Variants in OPN3 observed in about 807,000 individuals in gnomAD.
OPN3 encodes the protein opsin-3.
In OPN3, 29 loss-of-function variants were observed where a neutral mutation model predicts 33.8. The observed-to-expected ratio is 0.86, with a 90% confidence interval of 0.64 to 1.17. The LOEUF (loss-of-function observed/expected upper bound fraction) is 1.17. OPN3 is among the 50% of genes most tolerant of loss of function. OPN3 has a pLI of 0.00. For synonymous variants in OPN3, 216 were observed against 216.1 expected, an observed-to-expected ratio of 1.00 and a Z score of 0.00; for missense variants, 437 against 514.1, an observed-to-expected ratio of 0.85 and a Z score of 1.45.
intron 1 of OPN3, chr1:241,629,387 A>G (rs1329574496): frequency 1.3e-5 from 2 of 152,176 alleles, no homozygotes; most frequent in Non-Finnish European, 2.9e-5. Flanking sequence ...ATACAATAGC[A>G]TGAACTAAGT....
chr1:241,617,824 A>T (rs116504605), intron 1 of OPN3, among the ~76,000 whole-genome samples: 1 of 152,326 alleles, frequency 6.6e-6, no homozygotes, highest in African/African-American at 2.4e-5. Flanking sequence ...TAGCCTGTGC[A>T]GTTCTATGTT....
chr1:241,594,523 T>C lies in OPN3; in HGVS notation c.1114A>G (p.Ile372Val). Residue 372 changes from isoleucine (I) to valine (V), a missense_variant, in exon 4 of 4, where the codon ATT (isoleucine) becomes GTT (valine). By Grantham distance (29) the Ile-to-Val change is conservative. Transcript: ENST00000366554. ...KKVTFNSSSI[I>V]FIITSDESLS... ...GATTCATCACTGGTGATGATAAAAATGATGGAAGAAGAGTTGAAAGTCACT... is the reference window on the plus strand; with the variant it reads ...GATTCATCACTGGTGATGATAAAAACGATGGAAGAAGAGTTGAAAGTCACT... The C allele has an allele frequency of 1.2e-6, 2 of 1,614,102 alleles. No homozygotes were observed. Among genetic ancestry groups the C allele is most frequent in the Non-Finnish European group, 1.7e-6 (2 of 1,179,982 alleles).
intron 1 of OPN3, chr1:241,634,981 G>T (rs768091962): frequency 6.2e-7 from 1 of 1,613,564 alleles, no homozygotes; most frequent in South Asian, 1.1e-5. Context: ...GAATCCTAGT[G>T]ACATTTTTAA....
chr1:241,596,207 T>C (rs190609295), intron 3 of OPN3, among the ~76,000 whole-genome samples: 2 of 152,392 alleles, frequency 1.3e-5, no homozygotes, highest in African/African-American at 4.8e-5. Context: ...TAATGTATTT[T>C]AATTTTGTCT....
chr1:241,626,700 T>A (rs1046875028), intron 1 of OPN3, among the ~76,000 whole-genome samples: 1 of 152,202 alleles, frequency 6.6e-6, no homozygotes, highest in African/African-American at 2.4e-5. Context: ...CTTACAAATA[T>A]AGTAAAATTA....
At position 241,594,085 on chromosome 1, in the gene OPN3, G is replaced by C. The variant is rs566302897; in HGVS notation, c.*343C>G. The C allele has an allele frequency of 8.0e-6, 2 of 249,222 alleles. No homozygotes were observed. Among genetic ancestry groups the C allele is most frequent in the East Asian group, 1.9e-4 (2 of 10,298 alleles). 15.4% of individuals were successfully genotyped at this position (249,222 alleles called of 1,614,324 possible). A position where few individuals can be genotyped will look rare whatever the true frequency, so the allele number is the denominator to read the frequency against. ...TACGCGACAGTTATTTTTACAGTAAGGTATTTTCGAGAAAAATGCATTACG... is the reference window on the plus strand; with the variant it reads ...TACGCGACAGTTATTTTTACAGTAACGTATTTTCGAGAAAAATGCATTACG... On this transcript the variant is annotated 3_prime_UTR_variant, in exon 4 of 4. Transcript: ENST00000366554.
Position 241,594,660 on chromosome 1 carries a change from A to C in OPN3, c.977T>G (p.Leu326Arg), listed in dbSNP as rs1404609200. 4 of 1,613,896 alleles carry C rather than the reference A, an allele frequency of 2.5e-6. No homozygotes were observed. Among genetic ancestry groups the C allele is most frequent in the South Asian group, 2.2e-5 (2 of 91,076 alleles). Reference sequence around the variant, plus strand: ...AGGCCTCTGGCACCTCAGCAGTCGGAGGCACAGAAGCTGCAAAAGGGATCT... The same window carrying C: ...AGGCCTCTGGCACCTCAGCAGTCGGCGGCACAGAAGCTGCAAAAGGGATCT... ...FRRSLLQLLC[L>R]RLLRCQRPAK... Residue 326 changes from leucine (L) to arginine (R), a missense_variant, in exon 4 of 4, where the codon CTC becomes CGC. Transcript: ENST00000366554.
At chr1:241,614,580 T>C (rs1414309805) in intron 1 of OPN3, among the ~76,000 whole-genome samples, 1 of 152,252 alleles carries the variant, frequency 6.6e-6, no homozygotes, top group East Asian at 1.9e-4. Context: ...GTGCAGTAGC[T>C]TGGAAATCGT....
In OPN3 at chr1:241,595,124, T is replaced by C. The variant is rs74150330; in HGVS notation, c.946-433A>G. 1,069 of 155,342 alleles carry C rather than the reference T, an allele frequency of 6.9e-3. 3 individuals are homozygous for C. Among genetic ancestry groups the C allele is most frequent in the African/African-American group, 0.016 (669 of 41,628 alleles). 9.6% of individuals were successfully genotyped at this position (155,342 alleles called of 1,614,324 possible). On this transcript the variant is annotated intron_variant, in intron 3 of 3. Transcript: ENST00000366554. ...TGGCAGAGTTTACAGCCTGGTGTACTTGCTAATGTCTCTTTAATTAGGTGA... is the reference window on the plus strand; with the variant it reads ...TGGCAGAGTTTACAGCCTGGTGTACCTGCTAATGTCTCTTTAATTAGGTGA...
chr1:241,628,266 A>G (rs1359676823), intron 1 of OPN3, among the ~76,000 whole-genome samples: 1 of 152,156 alleles, frequency 6.6e-6, no homozygotes, highest in Non-Finnish European at 1.5e-5. Flanking sequence ...ATTAAGGTAA[A>G]AGGTACCTTA....
intron 1 of OPN3, among the ~76,000 whole-genome samples, chr1:241,610,981 A>G (rs1663975591): frequency 6.6e-6 from 1 of 152,128 alleles, no homozygotes; most frequent in Non-Finnish European, 1.5e-5. Flanking sequence ...TAAAGTGGTA[A>G]TGCGTAAGGT....
chr1:241,594,138 A>T lies in OPN3; in HGVS notation c.*290T>A. The T allele has an allele frequency of 9.2e-6, 3 of 325,764 alleles. No homozygotes were observed. Among genetic ancestry groups the T allele is most frequent in the Non-Finnish European group, 1.7e-5 (3 of 179,854 alleles). The allele number at this position is 325,764 out of a possible 1,614,324, so 20.2% of individuals were successfully genotyped here. On this transcript the variant is annotated 3_prime_UTR_variant, in exon 4 of 4. Coordinates refer to ENST00000366554, the MANE Select transcript of OPN3 (RefSeq NM_014322.3). ...TTTTGGAAAATAGAGTAATTTAAAA[A>T]ATATATTTGAAATGAAAATCTCCAA...
At chr1:241,624,550 A>G (rs1664360494) in intron 1 of OPN3, among the ~76,000 whole-genome samples, 1 of 152,234 alleles carries the variant, frequency 6.6e-6, no homozygotes, top group Non-Finnish European at 1.5e-5. Context: ...ATGGTGGTTA[A>G]TTGTGCATCA....
At chr1:241,633,145 G>A (rs1664712033) in intron 1 of OPN3, 1 of 152,112 alleles carries the variant, frequency 6.6e-6, no homozygotes, top group East Asian at 1.9e-4. Context: ...TTAGAATACT[G>A]TGGTGGCATC....
rs1468324686 is a variant in OPN3, at chr1:241,638,088, G to GC, written c.373+1793dup. 2.4e-4 allele frequency among the ~76,000 whole-genome samples: 36 copies of GC among 152,204 alleles called. No homozygotes were observed. In the South Asian group the frequency reaches 5.8e-3, roughly 25 times the overall value. On this transcript the variant is annotated intron_variant, in intron 1 of 3. Coordinates refer to ENST00000366554, the MANE Select transcript of OPN3 (RefSeq NM_014322.3). ...TCTATAGTAACTTCACTACTAACTTGCCCCCCAGGGCTTAAGTCTCGGAAT... is the reference window on the plus strand; with the variant it reads ...TCTATAGTAACTTCACTACTAACTTGCCCCCCCAGGGCTTAAGTCTCGGAAT...
intron 2 of OPN3, among the ~76,000 whole-genome samples, chr1:241,598,663 G>C (rs1419257460): frequency 6.6e-6 from 1 of 152,142 alleles, no homozygotes. Flanking sequence ...TCCCATTAAA[G>C]GGATGGAGGA....
chr1:241,634,719 A>G, intron 1 of OPN3: 1 of 1,614,014 alleles, frequency 6.2e-7, no homozygotes, highest in Non-Finnish European at 8.5e-7. Context: ...GTAGTGCAAG[A>G]TGATTCTGAT....
intron 1 of OPN3, among the ~76,000 whole-genome samples, chr1:241,628,427 C>T (rs1411123357): frequency 6.6e-6 from 1 of 152,122 alleles, no homozygotes; most frequent in Non-Finnish European, 1.5e-5. Context: ...GGATCTCTCA[C>T]GCTGACTGGA....
Position 241,621,758 on chromosome 1 carries a change from C to G in OPN3, c.374-17179G>C, listed in dbSNP as rs147748567. Among the ~76,000 whole-genome samples, 4 of 152,174 alleles carry G rather than the reference C, an allele frequency of 2.6e-5. No homozygotes were observed. In the East Asian group the frequency reaches 7.7e-4, roughly 29 times the overall value. ...ATCCAGTGGAAGCTCAGGATTGGAA[C>G]AGATCAATAAGTATAATGGGTCATA... On this transcript the variant is annotated intron_variant, in intron 1 of 3. Coordinates refer to ENST00000366554, the MANE Select transcript of OPN3 (RefSeq NM_014322.3).
Sources: allele counts gnomAD v4.1 joint callset (sites outside exome capture counted in the v4.1 genomes callset), GRCh38; gene constraint gnomAD v4.1.1; transcripts MANE v1.5; gene names NCBI Gene and HGNC (gene_info 2026-07-23, HGNC 2026-07-21).